Variants in HNRNPF observed in about 807,000 individuals in gnomAD.
The protein encoded by HNRNPF is HnRNP F protein.
A neutral mutation model predicts 26.0 loss-of-function variants in HNRNPF; 2 were observed. That is an observed-to-expected ratio of 0.08 (90% confidence interval 0.03 to 0.24). HNRNPF has a LOEUF of 0.24. HNRNPF is among the 10% of genes least tolerant of loss of function. HNRNPF has a pLI of 1.00. For synonymous variants in HNRNPF, 234 were observed against 211.5 expected (o/e 1.11, Z -0.92); for missense variants, 299 against 539.2 (o/e 0.55, Z 4.41).
Position 43,386,605 on chromosome 10 carries a change from T to C in HNRNPF, c.*32A>G. ...ATTGCTTGTTGGCTGCCTGTGAAAA[T>C]GATTGAAGTAACTCAAATGTTCCTA... On this transcript the variant is annotated 3_prime_UTR_variant, in exon 4 of 4. Coordinates refer to ENST00000682386, the MANE Select transcript of HNRNPF (RefSeq NM_001098204.2). 1 of 1,504,976 alleles carries C rather than the reference T, an allele frequency of 6.6e-7. No individual in the cohort carries two copies. The highest frequency in any genetic ancestry group is 8.8e-7 in the Non-Finnish European group (1 of 1,131,038). 93.2% of individuals were successfully genotyped at this position (1,504,976 alleles called of 1,614,324 possible).
At position 43,387,563 on chromosome 10, in the gene HNRNPF, C is replaced by T. The variant is rs866991837; in HGVS notation, c.322G>A (p.Ala108Thr). 1.2e-6 allele frequency: 2 copies of T among 1,614,012 alleles called. No homozygotes were observed. The highest frequency in any genetic ancestry group is 2.2e-5 in the South Asian group (2 of 91,088). ...CGAAGCCGCACGAAGCCATCGTTGG[C>T]GCTGTCGGCACTGTTGGGACCACTG... is the stretch of plus-strand genomic sequence containing the variant. ...KHSGPNSADS[A>T]NDGFVRLRGL... The change falls in exon 4 of 4, where the codon GCC (alanine) becomes ACC (threonine). Residue 108 changes from alanine to threonine, a missense_variant. Around this residue, in one of 6 missense-constraint regions of HNRNPF, gnomAD observed 104 missense variants for 239.0 expected, o/e 0.44. Coordinates refer to ENST00000682386, the MANE Select transcript of HNRNPF (RefSeq NM_001098204.2). The surrounding 1 kb of genome is among the most constrained non-coding windows in gnomAD (Gnocchi z 6.0).
chr10:43,397,237 G>C (rs1471861391), intron 1 of HNRNPF: 1 of 152,258 alleles, frequency 6.6e-6, no homozygotes, highest in African/African-American at 2.4e-5. Flanking sequence ...CCGGAGTCCG[G>C]GAAGCGGAGG....
intron 3 of HNRNPF, among the ~76,000 whole-genome samples, chr10:43,389,252 G>A (rs537132936): frequency 2.6e-5 from 4 of 152,258 alleles, no homozygotes; most frequent in East Asian, 1.9e-4. Context: ...AATTACTGGC[G>A]TGAGCCACCA....
intron 1 of HNRNPF, among the ~76,000 whole-genome samples, chr10:43,408,343 G>C (rs1333007710): frequency 6.6e-6 from 1 of 152,162 alleles, no homozygotes; most frequent in Admixed American, 6.5e-5. Flanking sequence ...CTGTCTGGGC[G>C]TGCGGCTCTC....
chr10:43,389,263 T>TTTCCA (rs1464889165), intron 3 of HNRNPF, among the ~76,000 whole-genome samples: 1 of 152,146 alleles, frequency 6.6e-6, no homozygotes, highest in Non-Finnish European at 1.5e-5. Context: ...TGAGCCACCA[T>TTTCCA]GCACAGCTGG....
At chr10:43,400,891 G>GTTGAGACCATCCTA (rs61678752) in intron 1 of HNRNPF, among the ~76,000 whole-genome samples, 1 of 151,828 alleles carries the variant, frequency 6.6e-6, no homozygotes, top group Non-Finnish European at 1.5e-5. Context: ...AGGTCAGGAG[G>GTTGAGACCATCCTA]GCTAATACGG....
chr10:43,396,734 C>A (rs561238783), intron 1 of HNRNPF, 144 bp from the exon 2 acceptor site: 3 of 152,092 alleles, frequency 2.0e-5, no homozygotes, highest in African/African-American at 7.2e-5. Flanking sequence ...TCACGGCACT[C>A]CAGCAGCCTC....
At chr10:43,388,846 A>G (rs936040215) in intron 3 of HNRNPF, among the ~76,000 whole-genome samples, 1 of 152,228 alleles carries the variant, frequency 6.6e-6, no homozygotes, top group African/African-American at 2.4e-5. Context: ...TGACCTAGAC[A>G]GCAGGGTCTA....
At chr10:43,404,880 A>G (rs1838864093) in intron 1 of HNRNPF, among the ~76,000 whole-genome samples, 1 of 152,186 alleles carries the variant, frequency 6.6e-6, no homozygotes, top group Non-Finnish European at 1.5e-5. Context: ...ATCACTTTAC[A>G]GGAAATATAA....
Position 43,386,769 on chromosome 10 carries a change from A to G in HNRNPF, c.1116T>C (p.Tyr372=). Residue 372 remains tyrosine, a synonymous_variant, in exon 4 of 4, where the codon TAT becomes TAC. Transcript: ENST00000682386. ...NSTTGASNGA[Y]SSQVMQGMGV... ...CCATGCCTTGCATCACCTGGCTGCTATACGCCCCATTGCTGGCCCCTGTTG... is the reference window on the plus strand; with the variant it reads ...CCATGCCTTGCATCACCTGGCTGCTGTACGCCCCATTGCTGGCCCCTGTTG... The G allele has an allele frequency of 6.2e-7, 1 of 1,614,134 alleles. No homozygotes were observed. The highest frequency in any genetic ancestry group is 8.5e-7 in the Non-Finnish European group (1 of 1,180,030).
At chr10:43,406,706 A>T (rs1589002238) in intron 1 of HNRNPF, among the ~76,000 whole-genome samples, 1 of 151,612 alleles carries the variant, frequency 6.6e-6, no homozygotes, top group Admixed American at 6.6e-5. Context: ...AATAATACAT[A>T]TTTTTTTATA....
chr10:43,388,943 AAAAGAGCAT>A (rs1346976539), intron 3 of HNRNPF, among the ~76,000 whole-genome samples: 2 of 151,936 alleles, frequency 1.3e-5, no homozygotes, highest in African/African-American at 4.8e-5. Context: ...GTGACGCTCA[AAAAGAGCAT>A]AGGAGTATAT....
At chr10:43,406,101 T>A (rs1011837942) in intron 1 of HNRNPF, among the ~76,000 whole-genome samples, 1 of 151,860 alleles carries the variant, frequency 6.6e-6, no homozygotes, top group African/African-American at 2.4e-5. Flanking sequence ...GAAAATGGAG[T>A]AAAACTTCTA....
chr10:43,398,803 A>G (rs1289439068), intron 1 of HNRNPF, among the ~76,000 whole-genome samples: 1 of 152,010 alleles, frequency 6.6e-6, no homozygotes. Context: ...ACTGGCATGC[A>G]ACCACACCCG....
chr10:43,387,249 C>A lies in HNRNPF; in HGVS notation c.636G>T (p.Arg212=), dbSNP rs374532318. The A allele has an allele frequency of 6.2e-7, 1 of 1,614,102 alleles. No individual in the cohort carries two copies. Among genetic ancestry groups the A allele is most frequent in the African/African-American group, 1.3e-5 (1 of 74,936 alleles). The part of the protein sequence containing the change: ...MSVQRPGPYD[R]PGTARRYIGI... ...CAATGTACCTCCTGGCAGTCCCGGG[C>A]CGGTCATAGGGCCCTGGCCGCTGCA... The change falls in exon 4 of 4, where the codon CGG becomes CGT. Residue 212 remains arginine, a synonymous_variant. Coordinates refer to ENST00000682386, the MANE Select transcript of HNRNPF (RefSeq NM_001098204.2). This position sits in a 1 kb window ranked among gnomAD's most constrained non-coding sequence, Gnocchi z 6.0.
chr10:43,388,906 C>T (rs569778830), intron 3 of HNRNPF, among the ~76,000 whole-genome samples: 6 of 150,994 alleles, frequency 4.0e-5, no homozygotes, highest in Non-Finnish European at 5.9e-5. Flanking sequence ...GGGCCAAAGA[C>T]GTATTTTTAT....
chr10:43,394,861 T>C (rs1838404535), intron 2 of HNRNPF, among the ~76,000 whole-genome samples, 173 bp from the exon 3 acceptor site: 1 of 152,288 alleles, frequency 6.6e-6, no homozygotes, highest in South Asian at 2.1e-4. Context: ...AGTATTATCT[T>C]TTCACAGGGC....
intron 3 of HNRNPF, among the ~76,000 whole-genome samples, chr10:43,390,398 C>T (rs1216916041): frequency 6.6e-6 from 1 of 152,180 alleles, no homozygotes; most frequent in Non-Finnish European, 1.5e-5. Context: ...TTAGGTCCAG[C>T]CATCGTTCCG....
intron 1 of HNRNPF, among the ~76,000 whole-genome samples, chr10:43,403,541 T>C (rs1219941788): frequency 6.6e-6 from 1 of 152,160 alleles, no homozygotes; most frequent in Non-Finnish European, 1.5e-5. Flanking sequence ...AATCCAGCAA[T>C]ATATAAAGCG....
Sources: allele counts gnomAD v4.1 joint callset (sites outside exome capture counted in the v4.1 genomes callset), GRCh38; gene constraint gnomAD v4.1.1; regional missense constraint gnomAD v4.1.1; non-coding constraint Gnocchi (gnomAD v3.1); transcripts MANE v1.5; gene names NCBI Gene and HGNC (gene_info 2026-07-23, HGNC 2026-07-21).